RAP1GAP2: variants seen among roughly 807,000 people sequenced by gnomAD.
RAP1GAP2 encodes RAP1 GTPase activating protein 2, also known as rap1 GTPase-activating protein 2.
Under a neutral mutation model 95.0 loss-of-function variants are expected in RAP1GAP2, and 27 were observed. The ratio of observed to expected loss-of-function variants is 0.28; its 90% CI spans 0.21 to 0.39. The LOEUF (loss-of-function observed/expected upper bound fraction) is 0.39, where lower values mean the gene tolerates loss of function less well. Ranked by LOEUF, RAP1GAP2 falls within the 10% of genes least tolerant of loss-of-function variation. The probability of loss-of-function intolerance (pLI) is 1.00; values close to 1 mark genes in which losing one functional copy is unlikely to be tolerated. For missense variants in RAP1GAP2, 771 were observed against 970.0 expected, an observed-to-expected ratio of 0.79 and a Z score of 2.72; for synonymous variants, 373 against 380.9, an observed-to-expected ratio of 0.98 and a Z score of 0.24.
intron 3 of RAP1GAP2, among the ~76,000 whole-genome samples, chr17:2,954,320 G>T (rs1010357926): frequency 2.6e-5 from 4 of 151,880 alleles, no homozygotes; most frequent in Non-Finnish European, 5.9e-5. Flanking sequence ...TAGCCAGGAT[G>T]GTCTCGATCT....
At chr17:2,837,962 G>C (rs1333377400) in intron 2 of RAP1GAP2, among the ~76,000 whole-genome samples, 5 of 147,754 alleles carry the variant, frequency 3.4e-5, no homozygotes, top group Non-Finnish European at 7.4e-5. Flanking sequence ...GCCTTTCTAG[G>C]TTTCGGTTTA....
At position 2,903,291 on chromosome 17, in the gene RAP1GAP2, G is replaced by A. The variant is rs1341902156; in HGVS notation, c.81-1993G>A. Among the ~76,000 whole-genome samples, 2 of 152,136 alleles carry A rather than the reference G, an allele frequency of 1.3e-5. No homozygotes were observed. The highest frequency in any genetic ancestry group is 3.9e-4 in the East Asian group (2 of 5,156). On this transcript the variant is annotated intron_variant, in intron 2 of 24. Coordinates refer to ENST00000254695, the MANE Select transcript of RAP1GAP2 (RefSeq NM_015085.5). The surrounding 1 kb of genome is among the most constrained non-coding windows in gnomAD (Gnocchi z 4.1). Reference sequence around the variant, plus strand: ...CTTAAAGGCCAGGCCCATTGAGGAGGAGCTGTGGCTGCTTGGGAGAGGGCC... The same window carrying A: ...CTTAAAGGCCAGGCCCATTGAGGAGAAGCTGTGGCTGCTTGGGAGAGGGCC...
rs1467796215 is a variant in RAP1GAP2, at chr17:2,771,495, T to TG, written c.167+1050_167+1051insG. Among the ~76,000 whole-genome samples the TG allele has an allele frequency of 4.0e-5, 6 of 149,058 alleles. No homozygotes were observed. The East Asian group carries it at 7.8e-4, about 19-fold the overall frequency. ...TCAAAGCCACTTTTTTGTTTTTTTT[T>TG]TTTGTTTTTTTTTTTTAGATAGAGT... On this transcript the variant is annotated intron_variant, in intron 2 of 25. Coordinates refer to the RAP1GAP2 transcript ENST00000637138.
chr17:2,991,073 G>A (rs1740779419), intron 11 of RAP1GAP2, among the ~76,000 whole-genome samples: 2 of 152,086 alleles, frequency 1.3e-5, no homozygotes, highest in East Asian at 1.9e-4. Context: ...TCGAACTCCT[G>A]ACCTCAAGTG....
chr17:2,778,476 G>C (rs1347499903), intron 1 of RAP1GAP2, among the ~76,000 whole-genome samples: 2 of 152,142 alleles, frequency 1.3e-5, no homozygotes, highest in South Asian at 2.1e-4. Flanking sequence ...CTCAGCTCCA[G>C]AGAAGAGGAC....
At chr17:2,820,447 C>A (rs1323453845) in intron 2 of RAP1GAP2, among the ~76,000 whole-genome samples, 1 of 151,930 alleles carries the variant, frequency 6.6e-6, no homozygotes, top group Non-Finnish European at 1.5e-5. Context: ...ATGGCAAAAC[C>A]CCGTCTCTAC....
intron 2 of RAP1GAP2, 149 bp from the exon 3 acceptor site, chr17:2,905,135 G>A (rs765436051): frequency 1.3e-5 from 8 of 594,792 alleles, no homozygotes; most frequent in Non-Finnish European, 2.1e-5. Context: ...CGTCTGCCTC[G>A]GCCTCCCAAA....
At chr17:2,832,743 G>T (rs547597705) in intron 2 of RAP1GAP2, among the ~76,000 whole-genome samples, 18 of 151,788 alleles carry the variant, frequency 1.2e-4, no homozygotes, top group South Asian at 1.0e-3. Flanking sequence ...TTGGGAGGCC[G>T]AGGCGGGCGA....
chr17:2,883,070 G>T (rs1014859417), intron 2 of RAP1GAP2, among the ~76,000 whole-genome samples: 1 of 152,216 alleles, frequency 6.6e-6, no homozygotes, highest in African/African-American at 2.4e-5. Context: ...CTTGGTCGGG[G>T]TTATGTGAAG....
chr17:2,769,306 A>C (rs991023931), intron 1 of RAP1GAP2, among the ~76,000 whole-genome samples: 6 of 141,112 alleles, frequency 4.3e-5, no homozygotes, highest in African/African-American at 1.3e-4. Context: ...CTGTAATCCC[A>C]GCACTTTGGG....
At chr17:2,954,373 G>A (rs1475249557) in intron 3 of RAP1GAP2, among the ~76,000 whole-genome samples, 1 of 151,940 alleles carries the variant, frequency 6.6e-6, no homozygotes, top group Non-Finnish European at 1.5e-5. Context: ...CAAAGTGCTG[G>A]GATTACAGGC....
At chr17:2,860,673 A>G (rs976901508) in intron 2 of RAP1GAP2, among the ~76,000 whole-genome samples, 1 of 132,298 alleles carries the variant, frequency 7.6e-6, no homozygotes, top group Non-Finnish European at 1.5e-5. Context: ...GCGCGATCTC[A>G]GCTCACTGCA....
At chr17:2,901,395 A>G (rs1026927055) in intron 2 of RAP1GAP2, among the ~76,000 whole-genome samples, 5 of 151,802 alleles carry the variant, frequency 3.3e-5, no homozygotes, top group African/African-American at 1.2e-4. Flanking sequence ...CTGCTTTCCA[A>G]GCTGTCCCCA....
At chr17:2,909,301 G>A (rs754779289) in intron 3 of RAP1GAP2, among the ~76,000 whole-genome samples, 9 of 152,198 alleles carry the variant, frequency 5.9e-5, no homozygotes, top group Non-Finnish European at 8.8e-5. Flanking sequence ...GGTGCAGAGT[G>A]CACAGTGGCC....
At chr17:2,830,301 C>T (rs1179798665) in intron 2 of RAP1GAP2, among the ~76,000 whole-genome samples, 1 of 152,036 alleles carries the variant, frequency 6.6e-6, no homozygotes, top group Non-Finnish European at 1.5e-5. Flanking sequence ...GTAATTCGAG[C>T]TACTCGGGAG....
chr17:2,819,168 G>A (rs1171267943), intron 2 of RAP1GAP2, among the ~76,000 whole-genome samples: 5 of 151,694 alleles, frequency 3.3e-5, no homozygotes, highest in Admixed American at 1.3e-4. Flanking sequence ...ACAGGCGCCC[G>A]CTACCACACC....
chr17:3,020,564 T>C lies in RAP1GAP2; in HGVS notation c.1720T>C (p.Ser574Pro), dbSNP rs2046927055. ...GCTCTTCCCCCGCCTGCACACGGGC[T>C]CAGAAGGCCAGGGCGACAGCCGGGC... Reference protein sequence around the residue: ...SGLFPRLHTGSEGQGDSRARC... With the variant: ...SGLFPRLHTGPEGQGDSRARC... The change falls in exon 19 of 25, where the codon TCA becomes CCA. Residue 574 changes from serine (S) to proline (P), a missense_variant. Coordinates refer to ENST00000254695, the MANE Select transcript of RAP1GAP2 (RefSeq NM_015085.5). 6.2e-7 allele frequency: 1 copy of C among 1,613,748 alleles called. No homozygotes were observed. Among genetic ancestry groups the C allele is most frequent in the Non-Finnish European group, 8.5e-7 (1 of 1,179,878 alleles).
At chr17:2,864,074 G>A (rs944598363) in intron 2 of RAP1GAP2, among the ~76,000 whole-genome samples, 51 of 89,584 alleles carry the variant, frequency 5.7e-4, no homozygotes, top group African/African-American at 2.5e-3. Flanking sequence ...AAAAACAGTG[G>A]CGGCGGGAGC....
chr17:2,850,643 G>A (rs62089724), intron 2 of RAP1GAP2, among the ~76,000 whole-genome samples: 17,717 of 150,298 alleles, frequency 0.12, 1,330 homozygotes, highest in Non-Finnish European at 0.18. Flanking sequence ...CCAGCTACTC[G>A]GGAGGCTGAG....
Sources: allele counts gnomAD v4.1 joint callset (sites outside exome capture counted in the v4.1 genomes callset), GRCh38; gene constraint gnomAD v4.1.1; non-coding constraint Gnocchi (gnomAD v3.1); transcripts MANE v1.5; gene names NCBI Gene and HGNC (gene_info 2026-07-23, HGNC 2026-07-21).